The following RIPOR2 variants were observed in gnomAD, a reference collection of about 807,000 sequenced individuals.
The protein encoded by RIPOR2 is RHO family interacting cell polarization regulator 2.
Under a neutral mutation model 114.5 loss-of-function variants are expected in RIPOR2, and 39 were observed. The observed-to-expected ratio is 0.34, with a 90% CI of 0.26 to 0.44. The LOEUF (loss-of-function observed/expected upper bound fraction) is 0.44, where lower values mean the gene tolerates loss of function less well. Among genes scored for constraint, RIPOR2 ranks in the 20% least tolerant of loss-of-function variants. The pLI, the probability that RIPOR2 is intolerant of heterozygous loss-of-function variation, is 1.00. For synonymous variants in RIPOR2, 445 were observed against 484.4 expected (o/e 0.92, Z 1.07); for missense variants, 1,007 against 1,255.1 (o/e 0.80, Z 2.99).
At chr6:24,877,346 C>T in intron 1 of RIPOR2, 1 of 985,384 alleles carries the variant, frequency 1.0e-6, no homozygotes, top group Non-Finnish European at 1.2e-6. Context: ...AGTTTGTATG[C>T]ATTCTTGCGA....
chr6:24,871,635 G>A (rs532341466), intron 4 of RIPOR2, among the ~76,000 whole-genome samples: 5 of 152,204 alleles, frequency 3.3e-5, no homozygotes, highest in Admixed American at 6.5e-5. Context: ...TTACAGGTGT[G>A]AGCCACCACG....
At chr6:24,810,240 C>T in intron 20 of RIPOR2, among the ~76,000 whole-genome samples, 1 of 152,160 alleles carries the variant, frequency 6.6e-6, no homozygotes, top group Admixed American at 6.5e-5. Flanking sequence ...TCAGAATTTC[C>T]TGGGATGGGG....
rs1429861530 is a variant in RIPOR2, at chr6:24,850,582, A to G, written c.885+15T>C. The G allele has an allele frequency of 6.8e-6, 11 of 1,613,842 alleles. No individual in the cohort carries two copies. Among genetic ancestry groups the G allele is most frequent in the Admixed American group, 3.3e-5 (2 of 60,028 alleles). The stretch of plus-strand genomic sequence containing the variant: ...GTGGCACCAGGAAAGACAACAGGCA[A>G]TGACAATACTGTACCTTGATGGAGA... On this transcript the variant is annotated intron_variant, in intron 10 of 21. Coordinates refer to ENST00000643898, the MANE Select transcript of RIPOR2 (RefSeq NM_001286445.3).
chr6:24,949,688 G>A (rs1362074323), intron 1 of RIPOR2, among the ~76,000 whole-genome samples: 1 of 152,180 alleles, frequency 6.6e-6, no homozygotes, highest in East Asian at 1.9e-4. Flanking sequence ...GGAAACCCAT[G>A]GTGGCAATGG....
chr6:24,902,436 C>T (rs979876899), intron 1 of RIPOR2, among the ~76,000 whole-genome samples: 11 of 152,050 alleles, frequency 7.2e-5, no homozygotes, highest in African/African-American at 2.2e-4. Context: ...AGGCTGGTCT[C>T]GAACTCCTGA....
chr6:24,931,255 C>G (rs1003520164), intron 1 of RIPOR2, among the ~76,000 whole-genome samples: 6 of 151,518 alleles, frequency 4.0e-5, no homozygotes, highest in Admixed American at 2.0e-4. Flanking sequence ...CATGGAAAGA[C>G]AAAAAAAATA....
chr6:24,847,573 C>T lies in RIPOR2; in HGVS notation c.1164+452G>A. ...CTCTAGCACGGCCTTGGGACTCGGCCTGAGGGAGGGCAGGTCACTGAAGGA... is the reference window on the plus strand; with the variant it reads ...CTCTAGCACGGCCTTGGGACTCGGCTTGAGGGAGGGCAGGTCACTGAAGGA... On this transcript the variant is annotated intron_variant, in intron 12 of 21. Transcript: ENST00000643898. 6.4e-7 allele frequency: 1 copy of T among 1,551,652 alleles called. No individual in the cohort carries two copies. The highest frequency in any genetic ancestry group is 1.2e-5 in the South Asian group (1 of 84,056).
chr6:24,974,511 TCA>T (rs1773945139), intron 1 of RIPOR2, among the ~76,000 whole-genome samples: 1 of 152,140 alleles, frequency 6.6e-6, no homozygotes, highest in Non-Finnish European at 1.5e-5. Flanking sequence ...ACACTGATAA[TCA>T]CAAGCGTTGA....
chr6:24,966,072 T>C (rs964019472), intron 1 of RIPOR2, among the ~76,000 whole-genome samples: 4 of 152,230 alleles, frequency 2.6e-5, no homozygotes, highest in African/African-American at 7.2e-5. Context: ...GTGAAAAGCA[T>C]GAAAGAGGAT....
intron 1 of RIPOR2, among the ~76,000 whole-genome samples, chr6:24,966,579 T>C (rs568075484): frequency 5.9e-5 from 9 of 152,316 alleles, no homozygotes; most frequent in Non-Finnish European, 5.9e-5. Flanking sequence ...TCATTGGCAT[T>C]GTGCAGATAT....
chr6:25,014,065 T>C (rs1204432402), intron 1 of RIPOR2, among the ~76,000 whole-genome samples: 1 of 152,200 alleles, frequency 6.6e-6, no homozygotes, highest in Non-Finnish European at 1.5e-5. Flanking sequence ...TCAACCCTAA[T>C]TTATCAAAAT....
chr6:24,898,595 G>A (rs770175778), intron 1 of RIPOR2: 2 of 152,190 alleles, frequency 1.3e-5, no homozygotes, highest in Non-Finnish European at 2.9e-5. Flanking sequence ...AAATAAGAAT[G>A]AAGATCAATA....
chr6:24,994,098 A>G (rs1389587746), intron 1 of RIPOR2, among the ~76,000 whole-genome samples: 1 of 152,192 alleles, frequency 6.6e-6, no homozygotes, highest in Non-Finnish European at 1.5e-5. Context: ...AGACAAAGGT[A>G]TGACACACAG....
At chr6:24,835,368 T>G (rs1343591060) in intron 15 of RIPOR2, among the ~76,000 whole-genome samples, 2 of 152,220 alleles carry the variant, frequency 1.3e-5, no homozygotes, top group Non-Finnish European at 2.9e-5. Flanking sequence ...CACTACTGGC[T>G]TTCAAACTCC....
At chr6:24,988,393 C>A (rs1774632145) in intron 1 of RIPOR2, among the ~76,000 whole-genome samples, 1 of 152,148 alleles carries the variant, frequency 6.6e-6, no homozygotes, top group Non-Finnish European at 1.5e-5. Context: ...AGGCTGGTCT[C>A]AAACTGCTGA....
intron 1 of RIPOR2, among the ~76,000 whole-genome samples, chr6:24,950,885 A>G (rs1034330860): frequency 1.3e-5 from 2 of 152,236 alleles, no homozygotes; most frequent in African/African-American, 4.8e-5. Flanking sequence ...GCAGTACCAT[A>G]GAACACAGTC....
intron 1 of RIPOR2, among the ~76,000 whole-genome samples, chr6:24,977,313 A>AT (rs1181581054): frequency 9.6e-4 from 144 of 150,062 alleles, no homozygotes; most frequent in African/African-American, 2.9e-3. Flanking sequence ...AATGTTTTCA[A>AT]TTTTTTTTTT....
At chr6:25,032,774 A>G (rs1777055024) in intron 1 of RIPOR2, among the ~76,000 whole-genome samples, 1 of 152,202 alleles carries the variant, frequency 6.6e-6, no homozygotes, top group Admixed American at 6.5e-5. Context: ...TTCAGATTAG[A>G]TACACTTAAA....
At chr6:24,930,061 C>T (rs216263) in intron 1 of RIPOR2, among the ~76,000 whole-genome samples, 1,764 of 152,230 alleles carry the variant, frequency 0.012, 37 homozygotes, top group African/African-American at 0.039. Flanking sequence ...GGTGATAGAG[C>T]GAGAGCCTGT....
Sources: allele counts gnomAD v4.1 joint callset (sites outside exome capture counted in the v4.1 genomes callset), GRCh38; gene constraint gnomAD v4.1.1; transcripts MANE v1.5; gene names NCBI Gene and HGNC (gene_info 2026-07-23, HGNC 2026-07-21).